The following COL1A1 variants were observed in gnomAD, a reference collection of about 807,000 sequenced individuals.
The protein encoded by COL1A1 is collagen type I alpha 1 chain, also known as collagen alpha-1(I) chain.
A neutral mutation model predicts 195.7 loss-of-function variants in COL1A1; 21 were observed. The observed-to-expected ratio is 0.11, with a 90% CI of 0.08 to 0.15. COL1A1 has a LOEUF of 0.15. Ranked by LOEUF, COL1A1 falls within the 10% of genes least tolerant of loss-of-function variation. COL1A1 has a pLI of 1.00. For synonymous variants in COL1A1, 749 were observed against 747.3 expected, an observed-to-expected ratio of 1.00 and a Z score of -0.04; for missense variants, 1,365 against 2,051.0, an observed-to-expected ratio of 0.67 and a Z score of 6.46.
chr17:50,198,444 G>A lies in COL1A1; in HGVS notation c.532C>T (p.Pro178Ser), dbSNP rs1907788627. 6.2e-7 allele frequency: 1 copy of A among 1,613,394 alleles called. No individual in the cohort carries two copies. ...CCCTGCTGGCTCACCATGGGGCCAG[G>A]CACGGAAATTCCTCCGGTTGATTTC... is the stretch of plus-strand genomic sequence containing the variant. ...DEKSTGGISV[P>S]GPMGPSGPRG... is the part of the protein sequence containing the mutation. Residue 178 changes from proline (P) to serine (S), a missense_variant, in exon 6 of 51, where the codon CCT becomes TCT. By Grantham distance (74) the Pro-to-Ser change is moderately conservative. This residue lies in a region of COL1A1 where 226 missense variants were observed against 372.9 expected (regional missense o/e 0.61). Coordinates refer to ENST00000225964, the MANE Select transcript of COL1A1 (RefSeq NM_000088.4).
At position 50,197,771 on chromosome 17, in the gene COL1A1, G is replaced by C. The variant is rs1416505423; in HGVS notation, c.657C>G (p.Pro219=). The part of the protein sequence containing the change: ...GEPGASGPMG[P]RGPPGPPGKN... ...TTCCAGGGGGACCTGGGGGACCTCGGGGACCCATGGGACCCTAGAAAAGAT... is the reference window on the plus strand; with the variant it reads ...TTCCAGGGGGACCTGGGGGACCTCGCGGACCCATGGGACCCTAGAAAAGAT... The change falls in exon 9 of 51, where the codon CCC becomes CCG. Residue 219 remains proline, a synonymous_variant. Coordinates refer to ENST00000225964, the MANE Select transcript of COL1A1 (RefSeq NM_000088.4). 3.1e-6 allele frequency: 5 copies of C among 1,604,734 alleles called. No individual in the cohort carries two copies. The highest frequency in any genetic ancestry group is 4.2e-6 in the Non-Finnish European group (5 of 1,177,212).
Position 50,195,809 on chromosome 17 carries a change from G to T in COL1A1, c.1056+114C>A. The T allele has an allele frequency of 7.3e-7, 1 of 1,366,318 alleles. No individual in the cohort carries two copies. Among genetic ancestry groups the T allele is most frequent in the Non-Finnish European group, 1.0e-6 (1 of 978,730 alleles). 84.6% of individuals were successfully genotyped at this position (1,366,318 alleles called of 1,614,324 possible). ...GAGACGGAGAACCCAGGACAAAGGT[G>T]TTAGTGAACGGGCTGCTCTCTTGCC... is the stretch of plus-strand genomic sequence containing the variant. On this transcript the variant is annotated intron_variant, in intron 16 of 50. Coordinates refer to ENST00000225964, the MANE Select transcript of COL1A1 (RefSeq NM_000088.4). The surrounding 1 kb of genome is among the most constrained non-coding windows in gnomAD (Gnocchi z 4.3).
At chr17:50,201,381 T>A in intron 1 of COL1A1, 30 bp downstream of exon 1, 1 of 1,603,390 alleles carries the variant, frequency 6.2e-7, no homozygotes, top group Non-Finnish European at 8.5e-7. Context: ...ATATAGAGTA[T>A]CCTTGCACTC....
chr17:50,193,153 A>C (rs1349111904), intron 25 of COL1A1, 106 bp from the exon 26 acceptor site: 1 of 1,193,214 alleles, frequency 8.4e-7, no homozygotes, highest in Admixed American at 2.0e-5. Context: ...CTTTCTTTTC[A>C]AAAGACTGTT....
At chr17:50,196,113 C>T (rs769827847) in intron 15 of COL1A1, 42 bp downstream of exon 15, 1 of 1,613,178 alleles carries the variant, frequency 6.2e-7, no homozygotes. Context: ...TACTGAGACC[C>T]CTCCCCACTC....
rs999554229 is a variant in COL1A1 at position 50,201,613 on chromosome 17, A to G, written c.-100T>C. 1 of 1,038,572 alleles carries G rather than the reference A, an allele frequency of 9.6e-7. No homozygotes were observed. The highest frequency in any genetic ancestry group is 1.4e-6 in the Non-Finnish European group (1 of 721,804). 64.3% of individuals were successfully genotyped at this position (1,038,572 alleles called of 1,614,324 possible). ...CCGCGTGCCTCCTGCTCCGACCCCG[A>G]GGAGAAACTCCCGTCTGCTCCGACG... On this transcript the variant is annotated 5_prime_UTR_variant, in exon 1 of 51. Coordinates refer to ENST00000225964, the MANE Select transcript of COL1A1 (RefSeq NM_000088.4).
In COL1A1 at chr17:50,185,275, TTG is replaced by T; in HGVS notation, c.*225_*226del. 9.8e-6 allele frequency: 3 copies of T among 305,590 alleles called. No individual in the cohort carries two copies. Among genetic ancestry groups the T allele is most frequent in the Non-Finnish European group, 1.8e-5 (3 of 166,264 alleles). The allele number at this position is 305,590 out of a possible 1,614,324, so 18.9% of individuals were successfully genotyped here. On this transcript the variant is annotated 3_prime_UTR_variant, in exon 51 of 51. Transcript: ENST00000225964. ...ATTTATTCTTTTTTTTTTTTTTTTT[TTG>T]GTAAGGTTGAATGCACTTTTGGTTT...
rs1907647418 is a variant in COL1A1, at chr17:50,196,993, AC to A, written c.804+16del. ...GCTAGGGACTTGGGGAGCTTAAATG[AC>A]TCAAAGGTGACTCACTCTGTGTCCC... On this transcript the variant is annotated intron_variant, in intron 11 of 50. Transcript: ENST00000225964. The A allele has an allele frequency of 1.9e-6, 3 of 1,613,514 alleles. No individual in the cohort carries two copies. The highest frequency in any genetic ancestry group is 1.3e-5 in the African/African-American group (1 of 74,778).
At chr17:50,198,749 A>T in intron 5 of COL1A1, 1 of 551,366 alleles carries the variant, frequency 1.8e-6, no homozygotes, top group Non-Finnish European at 3.3e-6. Context: ...AAAGACAAAG[A>T]AAGTCTGAGG....
chr17:50,194,955 G>C lies in COL1A1; in HGVS notation c.1353+92C>G. The C allele has an allele frequency of 1.4e-6, 2 of 1,478,968 alleles. No homozygotes were observed. The highest frequency in any genetic ancestry group is 1.1e-5 in the South Asian group (1 of 88,444). 91.6% of individuals were successfully genotyped at this position (1,478,968 alleles called of 1,614,324 possible). A position where few individuals can be genotyped will look rare whatever the true frequency, so the allele number is the denominator to read the frequency against. ...GGGTGTGGCAGGGACTCCCCCAGAA[G>C]ACTAGGGGCTCCTCTTCCTTTCTGG... On this transcript the variant is annotated intron_variant, in intron 20 of 50. Coordinates refer to ENST00000225964, the MANE Select transcript of COL1A1 (RefSeq NM_000088.4). The surrounding 1 kb of genome is among the most constrained non-coding windows in gnomAD (Gnocchi z 6.8).
intron 1 of COL1A1, among the ~76,000 whole-genome samples, chr17:50,200,950 T>C (rs904084509): frequency 7.9e-5 from 12 of 152,026 alleles, no homozygotes; most frequent in African/African-American, 2.4e-4. Context: ...CCGCCCACGC[T>C]CCGCACCCCC....
At chr17:50,191,727 C>T in intron 31 of COL1A1, 61 bp downstream of exon 31, 4 of 1,521,926 alleles carry the variant, frequency 2.6e-6, no homozygotes, top group Non-Finnish European at 3.6e-6. Flanking sequence ...TCCCCTGCTG[C>T]AGGAGGGGTG....
chr17:50,192,003 C>T lies in COL1A1; in HGVS notation c.2005G>A (p.Ala669Thr), dbSNP rs563598815. ...GEQGVPGDLG[A>T]PGPSGARGER... is the part of the protein sequence containing the mutation. ...ACTCTTGCTCCAGAGGGGCCAGGGG[C>T]GCCAAGGTCTCCAGGAACACCCTGA... Residue 669 changes from alanine (A) to threonine (T), a missense_variant, in exon 30 of 51, where the codon GCC (alanine) becomes ACC (threonine). Transcript: ENST00000225964. 75 of 1,613,042 alleles carry T rather than the reference C, an allele frequency of 4.6e-5. No homozygotes were observed. Among genetic ancestry groups the T allele is most frequent in the East Asian group, 2.9e-4 (13 of 44,864 alleles).
Position 50,186,926 on chromosome 17 carries a change from C to A in COL1A1, c.3532-4G>T, listed in dbSNP as rs1273785232. Reference sequence around the variant, plus strand: ...GTCCAGGAGGGCCGGGGGGACCCTGCACAGAGAGGGAAGAGAGTGGGGATT... The same window carrying A: ...GTCCAGGAGGGCCGGGGGGACCCTGAACAGAGAGGGAAGAGAGTGGGGATT... On this transcript the variant is annotated splice_region_variant and splice_polypyrimidine_tract_variant and intron_variant, in intron 47 of 50. Transcript: ENST00000225964. The surrounding 1 kb of genome is among the most constrained non-coding windows in gnomAD (Gnocchi z 5.3). The A allele has an allele frequency of 1.9e-6, 3 of 1,613,282 alleles. No individual in the cohort carries two copies. The highest frequency in any genetic ancestry group is 2.2e-5 in the East Asian group (1 of 44,848).
Position 50,189,155 on chromosome 17 carries a change from G to A in COL1A1, c.2937+13C>T, listed in dbSNP as rs770295048. On this transcript the variant is annotated intron_variant, in intron 40 of 50. Transcript: ENST00000225964. The surrounding 1 kb of genome is among the most constrained non-coding windows in gnomAD (Gnocchi z 5.5). ...TTTTTCTCAGGGCCCCCCAAGGTGA[G>A]GGGGGCACTTACAGAGGGGCCAGGA... is the stretch of plus-strand genomic sequence containing the variant. 5 of 1,612,388 alleles carry A rather than the reference G, an allele frequency of 3.1e-6. No individual in the cohort carries two copies. Among genetic ancestry groups the A allele is most frequent in the South Asian group, 2.2e-5 (2 of 91,012 alleles).
At chr17:50,200,156 C>T (rs571932540) in intron 1 of COL1A1, 2 of 620,186 alleles carry the variant, frequency 3.2e-6, no homozygotes, top group African/African-American at 3.7e-5. Flanking sequence ...GTAACTCTTT[C>T]CAGTTCTCAG....
chr17:50,194,553 C>T lies in COL1A1; in HGVS notation c.1515+20G>A, dbSNP rs373728987. On this transcript the variant is annotated intron_variant, in intron 22 of 50. Transcript: ENST00000225964. The surrounding 1 kb of genome is among the most constrained non-coding windows in gnomAD (Gnocchi z 6.8). ...CCAGGGAGCGGCAGGGTCAGCCCCC[C>T]GGCCGCAAGGAGAGGTTACCTTGGG... 64 of 1,600,632 alleles carry T rather than the reference C, an allele frequency of 4.0e-5. 1 individual carries two copies. Among genetic ancestry groups the T allele is most frequent in the East Asian group, 1.4e-4 (6 of 44,050 alleles).
At chr17:50,192,716 T>C (rs1311366489) in intron 27 of COL1A1, 23 bp from the exon 28 acceptor site, 44 of 1,613,818 alleles carry the variant, frequency 2.7e-5, no homozygotes, top group Non-Finnish European at 3.6e-5. Flanking sequence ...AACACTACAG[T>C]CACGGGGAGG....
Position 50,185,808 on chromosome 17 carries a change from G to T in COL1A1, c.4218C>A (p.Phe1406Leu). ...AGCCATCGACAGTGACGCTGTAGGTGAAGCGGCTGTTGCCCTCGGCGCGGA... is the reference window on the plus strand; with the variant it reads ...AGCCATCGACAGTGACGCTGTAGGTTAAGCGGCTGTTGCCCTCGGCGCGGA... ...IEIRAEGNSRFTYSVTVDGCT... is the reference protein window; with the variant it reads ...IEIRAEGNSRLTYSVTVDGCT... The change falls in exon 50 of 51, where the codon TTC (phenylalanine) becomes TTA (leucine). Residue 1406 changes from phenylalanine to leucine, a missense_variant. Phe to Leu is a conservative substitution (Grantham distance 22). This residue lies in a region of COL1A1 where 273 missense variants were observed against 338.6 expected (regional missense o/e 0.81). Coordinates refer to ENST00000225964, the MANE Select transcript of COL1A1 (RefSeq NM_000088.4). The T allele has an allele frequency of 6.2e-7, 1 of 1,614,090 alleles. No individual in the cohort carries two copies. The highest frequency in any genetic ancestry group is 8.5e-7 in the Non-Finnish European group (1 of 1,180,040).
Sources: allele counts gnomAD v4.1 joint callset (sites outside exome capture counted in the v4.1 genomes callset), GRCh38; gene constraint gnomAD v4.1.1; regional missense constraint gnomAD v4.1.1; non-coding constraint Gnocchi (gnomAD v3.1); transcripts MANE v1.5; gene names NCBI Gene and HGNC (gene_info 2026-07-23, HGNC 2026-07-21).